KCNAB2: variants seen among roughly 807,000 people sequenced by gnomAD.
The protein encoded by KCNAB2 is voltage-gated potassium channel subunit beta-2.
KCNAB2 carries 29 observed loss-of-function variants against 63.6 expected under a neutral mutation model. The ratio of observed to expected loss-of-function variants is 0.46; its 90% CI spans 0.34 to 0.62. KCNAB2 has a LOEUF of 0.62. Ranked by LOEUF, KCNAB2 falls within the 20% of genes least tolerant of loss-of-function variation. The pLI is 0.01. For synonymous variants in KCNAB2, 222 were observed against 224.2 expected (o/e 0.99, Z 0.09); for missense variants, 359 against 563.9 (o/e 0.64, Z 3.68).
At position 6,099,963 on chromosome 1, in the gene KCNAB2, T is replaced by C. The variant is rs992353389; in HGVS notation, c.*1389T>C. 1 of 1,550,008 alleles carries C rather than the reference T, an allele frequency of 6.5e-7. No individual in the cohort carries two copies. The highest frequency in any genetic ancestry group is 8.7e-7 in the Non-Finnish European group (1 of 1,146,716). On this transcript the variant is annotated 3_prime_UTR_variant, in exon 16 of 16. Coordinates refer to ENST00000378083, the MANE Select transcript of KCNAB2 (RefSeq NM_001199862.2). ...TGTGTCCCAAGCAGTACCCAGGCTT[T>C]GCAGACCACGCGGGGCAGGGCTCCA...
In KCNAB2 at chr1:6,090,463, A is replaced by G. The variant is rs1300471289; in HGVS notation, c.589A>G (p.Thr197Ala). ...VVFANRPDPNTPMEGDPFSSS... is the reference protein window; with the variant it reads ...VVFANRPDPNAPMEGDPFSSS... ...GTTTGCCAACCGCCCGGACCCCAAC[A>G]CCCCGATGGAAGGTAGGTGGTCTGC... The change falls in exon 9 of 16, where the codon ACC (threonine) becomes GCC (alanine). Residue 197 changes from threonine (T) to alanine (A), a missense_variant. Transcript: ENST00000378083. 3.7e-6 allele frequency: 6 copies of G among 1,613,048 alleles called. No homozygotes were observed. The Admixed American group carries it at 8.3e-5, about 22-fold the overall frequency.
At chr1:6,025,691 G>A (rs1659102458) in intron 1 of KCNAB2, among the ~76,000 whole-genome samples, 1 of 152,188 alleles carries the variant, frequency 6.6e-6, no homozygotes, top group Non-Finnish European at 1.5e-5. Context: ...ACAGCTCAGA[G>A]CACACTTTAG....
chr1:6,056,384 G>A (rs2100563239), intron 2 of KCNAB2, among the ~76,000 whole-genome samples: 1 of 152,330 alleles, frequency 6.6e-6, no homozygotes, highest in Admixed American at 6.5e-5. Flanking sequence ...AATTATTGCT[G>A]TTAAAAAGAA....
chr1:6,065,710 T>C (rs1571004833), intron 2 of KCNAB2, among the ~76,000 whole-genome samples: 1 of 152,220 alleles, frequency 6.6e-6, no homozygotes, highest in South Asian at 2.1e-4. Flanking sequence ...TTGGAGACTG[T>C]TGGGCTGAGG....
rs1663867932 is a variant in KCNAB2, at chr1:6,078,333, CA to C, written c.301-3859del. Among the ~76,000 whole-genome samples the C allele has an allele frequency of 6.6e-6, 1 of 152,172 alleles. No individual in the cohort carries two copies. Among genetic ancestry groups the C allele is most frequent in the African/African-American group, 2.4e-5 (1 of 41,426 alleles). On this transcript the variant is annotated intron_variant, in intron 4 of 15. Transcript: ENST00000378083. The surrounding 1 kb of genome is among the most constrained non-coding windows in gnomAD (Gnocchi z 4.2). ...AGAGTACTCACGTTAATCCCATCTGCAAAGTCCCTCTTTCTACCTAAGGTCA... is the reference window on the plus strand; with the variant it reads ...AGAGTACTCACGTTAATCCCATCTGCAAGTCCCTCTTTCTACCTAAGGTCA...
At position 6,046,064 on chromosome 1, in the gene KCNAB2, A is replaced by T; in HGVS notation, c.-146A>T. On this transcript the variant is annotated 5_prime_UTR_variant, in exon 1 of 16. It removes the in-frame stop codon of an upstream open reading frame in the 5' UTR. Transcript: ENST00000378083. Reference sequence around the variant, plus strand: ...TCATCTCATTCACCAATTGCTTCTGACGTCCTGCAGTGACACTCCCTAATG... The same window carrying T: ...TCATCTCATTCACCAATTGCTTCTGTCGTCCTGCAGTGACACTCCCTAATG... The T allele has an allele frequency of 8.1e-6, 8 of 985,438 alleles. No individual in the cohort carries two copies. The highest frequency in any genetic ancestry group is 9.6e-6 in the Non-Finnish European group (8 of 829,930). 61.0% of individuals were successfully genotyped at this position (985,438 alleles called of 1,614,324 possible).
At position 6,089,020 on chromosome 1, in the gene KCNAB2, G is replaced by A; in HGVS notation, c.483G>A (p.Glu161=). ...GCCTGTTTTCCAGGGCGGAGACGGA[G>A]CGGGGCCTGTCCAGGAAGCACATAA... ...KIFWGGKAET[E]RGLSRKHIIE... The change falls in exon 8 of 16, where the codon GAG becomes GAA. Residue 161 remains glutamate (E), a synonymous_variant. Transcript: ENST00000378083. 1 of 1,549,092 alleles carries A rather than the reference G, an allele frequency of 6.5e-7. No individual in the cohort carries two copies. The highest frequency in any genetic ancestry group is 8.7e-7 in the Non-Finnish European group (1 of 1,146,126).
chr1:6,049,096 C>A (rs911699015), intron 1 of KCNAB2, among the ~76,000 whole-genome samples: 8 of 152,232 alleles, frequency 5.3e-5, no homozygotes, highest in Non-Finnish European at 1.0e-4. Context: ...CATGGGAACC[C>A]CCCAGCAAGA....
upstream of KCNAB2, chr1:6,041,571 T>C: frequency 3.8e-6 from 2 of 524,436 alleles, no homozygotes; most frequent in Non-Finnish European, 6.9e-6. Context: ...AAACAGGGCC[T>C]GGCATGGAAG....
At position 6,003,462 on chromosome 1, in the gene KCNAB2, C is replaced by T. The variant is rs990355173; in HGVS notation, c.-53+10674C>T. Among the ~76,000 whole-genome samples, 6 of 152,192 alleles carry T rather than the reference C, an allele frequency of 3.9e-5. No individual in the cohort carries two copies. The highest frequency in any genetic ancestry group is 4.4e-5 in the Non-Finnish European group (3 of 68,032). Reference sequence around the variant, plus strand: ...CCGTCCACCTTCTCCACTCTTAGCGCGAGCCCTGCCCCAGCCAGGAGCACT... The same window carrying T: ...CCGTCCACCTTCTCCACTCTTAGCGTGAGCCCTGCCCCAGCCAGGAGCACT... On this transcript the variant is annotated intron_variant, in intron 1 of 16. Transcript: ENST00000341524. The surrounding 1 kb of genome is among the most constrained non-coding windows in gnomAD (Gnocchi z 4.1).
intron 1 of KCNAB2, among the ~76,000 whole-genome samples, chr1:6,015,921 G>A (rs1180674832): frequency 6.6e-6 from 1 of 151,994 alleles, no homozygotes; most frequent in Non-Finnish European, 1.5e-5. Flanking sequence ...GCCCAGACTG[G>A]TCTGGAACTC....
intron 1 of KCNAB2, among the ~76,000 whole-genome samples, chr1:6,048,312 G>GC (rs1261758379): frequency 6.6e-6 from 1 of 152,074 alleles, no homozygotes; most frequent in Non-Finnish European, 1.5e-5. Flanking sequence ...CTTATCCCAC[G>GC]CCCCCCAACA....
intron 7 of KCNAB2, among the ~76,000 whole-genome samples, chr1:6,088,173 C>T (rs1243542289): frequency 1.3e-5 from 2 of 151,940 alleles, no homozygotes; most frequent in Admixed American, 1.3e-4. Context: ...GAGCCTCCCA[C>T]CTCAGCCTAC....
intron 1 of KCNAB2, among the ~76,000 whole-genome samples, chr1:6,002,915 C>T (rs1228816402): frequency 6.6e-6 from 1 of 150,564 alleles, no homozygotes; most frequent in Non-Finnish European, 1.5e-5. Context: ...CAGATTTGCT[C>T]TGGCTCTGGC....
intron 7 of KCNAB2, among the ~76,000 whole-genome samples, chr1:6,088,558 C>T (rs1290370681): frequency 1.3e-5 from 2 of 151,360 alleles, no homozygotes; most frequent in East Asian, 3.9e-4. Context: ...TTAATTTGTC[C>T]TTTTTTAAGA....
intron 1 of KCNAB2, among the ~76,000 whole-genome samples, chr1:6,025,130 AT>A (rs1294004016): frequency 1.3e-5 from 2 of 151,816 alleles, no homozygotes; most frequent in African/African-American, 4.8e-5. Context: ...CACCCAGACT[AT>A]TTTATTTTCC....
rs78739652 is a variant in KCNAB2 at position 6,004,943 on chromosome 1, G to A, written c.-53+12155G>A. ...TGTTGCTGGCTGAGGGGTGAGGGTG[G>A]AGTGGGGGGATGTGGGAGCTGAGCT... On this transcript the variant is annotated intron_variant, in intron 1 of 16. Coordinates refer to the KCNAB2 transcript ENST00000341524. Among the ~76,000 whole-genome samples, 1,094 of 143,030 alleles carry A rather than the reference G, an allele frequency of 7.6e-3. 12 individuals carry two copies. Among genetic ancestry groups the A allele is most frequent in the Non-Finnish European group, 0.012 (725 of 63,010 alleles). 93.8% of individuals were successfully genotyped at this position (143,030 alleles called of 152,430 possible).
chr1:6,084,568 C>G (rs750204433), intron 5 of KCNAB2, among the ~76,000 whole-genome samples: 5 of 152,244 alleles, frequency 3.3e-5, no homozygotes, highest in Non-Finnish European at 7.3e-5. Flanking sequence ...GGAATCCCAG[C>G]ACTTTGGGAG....
At chr1:6,004,229 T>TC in intron 1 of KCNAB2, among the ~76,000 whole-genome samples, 1 of 145,150 alleles carries the variant, frequency 6.9e-6, no homozygotes, top group East Asian at 2.0e-4. Flanking sequence ...GTTAGAGGGT[T>TC]TTTTTTTTTT....
Sources: allele counts gnomAD v4.1 joint callset (sites outside exome capture counted in the v4.1 genomes callset), GRCh38; gene constraint gnomAD v4.1.1; non-coding constraint Gnocchi (gnomAD v3.1); transcripts MANE v1.5; gene names NCBI Gene and HGNC (gene_info 2026-07-23, HGNC 2026-07-21).